The following SGCE variants were observed in gnomAD, a reference collection of about 807,000 sequenced individuals.
The protein encoded by SGCE is sarcoglycan epsilon.
SGCE carries 26 observed loss-of-function variants against 57.8 expected under a neutral mutation model. That is an observed-to-expected ratio of 0.45 (90% CI 0.33 to 0.62). SGCE has a LOEUF of 0.62. Among genes scored for constraint, SGCE ranks in the 20% least tolerant of loss-of-function variants. The pLI is 0.02. For missense variants in SGCE, 468 were observed against 548.6 expected (o/e 0.85, Z 1.47); for synonymous variants, 183 against 189.5 (o/e 0.97, Z 0.28).
Position 94,623,117 on chromosome 7 carries a change from T to C in SGCE, c.463+208A>G, listed in dbSNP as rs1161322576. On this transcript the variant is annotated intron_variant, in intron 4 of 10. Coordinates refer to ENST00000648936, the MANE Select transcript of SGCE (RefSeq NM_003919.3). ...GAAATAAGAGGACTATCTGTTTGGC[T>C]TCCTATCTGAGTTTTCACCATCATA... Among the ~76,000 whole-genome samples, 7 of 152,148 alleles carry C rather than the reference T, an allele frequency of 4.6e-5. No homozygotes were observed. In the East Asian group the frequency reaches 1.3e-3, roughly 29 times the overall value.
intron 9 of SGCE, among the ~76,000 whole-genome samples, chr7:94,595,575 C>T (rs998507000): frequency 1.3e-5 from 2 of 152,142 alleles, no homozygotes; most frequent in African/African-American, 4.8e-5. Flanking sequence ...TTATTGAGTA[C>T]TGTAATGCCT....
intron 5 of SGCE, among the ~76,000 whole-genome samples, chr7:94,615,778 CACT>C (rs1351794822): frequency 6.6e-6 from 1 of 152,186 alleles, no homozygotes; most frequent in Non-Finnish European, 1.5e-5. Context: ...CCACCATTTA[CACT>C]ACATCACTCG....
chr7:94,640,656 T>C (rs1265979477), intron 1 of SGCE, among the ~76,000 whole-genome samples: 1 of 152,160 alleles, frequency 6.6e-6, no homozygotes, highest in East Asian at 1.9e-4. Flanking sequence ...TTTTTTGTTT[T>C]TGTTTTTTTG....
Position 94,588,601 on chromosome 7 carries a change from A to G in SGCE, c.1297+88T>C, listed in dbSNP as rs957300036. On this transcript the variant is annotated intron_variant, in intron 10 of 10. Coordinates refer to ENST00000648936, the MANE Select transcript of SGCE (RefSeq NM_003919.3). ...GTGTTTTGCCTTATTTGGTGAAGAT[A>G]AAGCTTCATAAATTATATAGTGCCA... 58 of 1,553,316 alleles carry G rather than the reference A, an allele frequency of 3.7e-5. No homozygotes were observed. In the Admixed American group the frequency reaches 9.9e-4, roughly 27 times the overall value.
intron 4 of SGCE, chr7:94,619,232 A>C (rs1262419190): frequency 6.8e-6 from 2 of 295,390 alleles, no homozygotes; most frequent in Non-Finnish European, 1.3e-5. Flanking sequence ...AAAACAACTA[A>C]GAAAAGCTAA....
intron 5 of SGCE, among the ~76,000 whole-genome samples, chr7:94,607,932 CTTCCAAAACA>C (rs1800402558): frequency 6.6e-6 from 1 of 152,110 alleles, no homozygotes; most frequent in Non-Finnish European, 1.5e-5. Context: ...CAGTAATAAC[CTTCCAAAACA>C]GAAAGCATCA....
At chr7:94,630,610 A>G (rs1246545573) in intron 1 of SGCE, among the ~76,000 whole-genome samples, 1 of 151,974 alleles carries the variant, frequency 6.6e-6, no homozygotes, top group Non-Finnish European at 1.5e-5. Flanking sequence ...GTACATTAAA[A>G]TGACCAATTG....
intron 3 of SGCE, 21 bp from the exon 4 acceptor site, chr7:94,623,418 T>C (rs763300303): frequency 2.0e-6 from 3 of 1,484,622 alleles, no homozygotes; most frequent in Non-Finnish European, 1.9e-6. Flanking sequence ...AGGAAAACCA[T>C]ATTAAAGAAG....
chr7:94,638,012 G>A (rs1805830326), intron 1 of SGCE, among the ~76,000 whole-genome samples: 1 of 152,150 alleles, frequency 6.6e-6, no homozygotes, highest in African/African-American at 2.4e-5. Flanking sequence ...ATGGCCCTCA[G>A]CTTGCTCAAG....
At chr7:94,639,039 T>C (rs1806008312) in intron 1 of SGCE, among the ~76,000 whole-genome samples, 1 of 152,186 alleles carries the variant, frequency 6.6e-6, no homozygotes, top group Admixed American at 6.5e-5. Flanking sequence ...TAGGACAATT[T>C]TTATAAGTGG....
At chr7:94,594,612 A>G (rs541994167) in intron 9 of SGCE, 1 of 152,230 alleles carries the variant, frequency 6.6e-6, no homozygotes, top group African/African-American at 2.4e-5. Context: ...AAGTCTAGGT[A>G]ACAGTAAAGT....
intron 2 of SGCE, 165 bp from the exon 3 acceptor site, chr7:94,628,524 TA>T: frequency 3.6e-5 from 21 of 577,624 alleles, no homozygotes; most frequent in East Asian, 1.7e-4. Context: ...GGCACCACGT[TA>T]AAAAAAATCC....
intron 1 of SGCE, among the ~76,000 whole-genome samples, chr7:94,630,685 C>T (rs543735476): frequency 2.4e-4 from 37 of 151,982 alleles, no homozygotes; most frequent in Admixed American, 7.2e-4. Flanking sequence ...ACATTATTGC[C>T]GTTACTCTTG....
intron 1 of SGCE, among the ~76,000 whole-genome samples, chr7:94,642,983 C>A (rs1177732487): frequency 6.6e-6 from 1 of 152,192 alleles, no homozygotes; most frequent in Non-Finnish European, 1.5e-5. Flanking sequence ...GGCAAGCAGA[C>A]ACTCTATAGA....
intron 1 of SGCE, among the ~76,000 whole-genome samples, chr7:94,646,191 A>G (rs1477552072): frequency 6.6e-6 from 1 of 152,222 alleles, no homozygotes; most frequent in Non-Finnish European, 1.5e-5. Flanking sequence ...AATTACATCG[A>G]TATTTATATT....
chr7:94,605,514 G>A (rs2116751338), intron 5 of SGCE, among the ~76,000 whole-genome samples: 1 of 151,242 alleles, frequency 6.6e-6, no homozygotes, highest in South Asian at 2.1e-4. Context: ...ATAAATGACA[G>A]CAATGATACA....
At chr7:94,613,610 A>G (rs1188702417) in intron 5 of SGCE, among the ~76,000 whole-genome samples, 1 of 152,174 alleles carries the variant, frequency 6.6e-6, no homozygotes, top group Non-Finnish European at 1.5e-5. Flanking sequence ...AAATGCATTT[A>G]TTGAGGCCTT....
chr7:94,619,605 ACT>A (rs1230845761), intron 4 of SGCE: 1 of 151,886 alleles, frequency 6.6e-6, no homozygotes, highest in African/African-American at 2.4e-5. Context: ...ACAAATCATC[ACT>A]CTCTATATTC....
chr7:94,594,324 T>C (rs1233369965), intron 9 of SGCE: 1 of 152,092 alleles, frequency 6.6e-6, no homozygotes, highest in Non-Finnish European at 1.5e-5. Flanking sequence ...GGGAAAAAAT[T>C]ATTACTGCTA....
Sources: allele counts gnomAD v4.1 joint callset (sites outside exome capture counted in the v4.1 genomes callset), GRCh38; gene constraint gnomAD v4.1.1; transcripts MANE v1.5; gene names NCBI Gene and HGNC (gene_info 2026-07-23, HGNC 2026-07-21).